The following RFTN1 variants were observed in gnomAD, a reference collection of about 807,000 sequenced individuals.
RFTN1 encodes the protein raftlin, lipid raft linker 1.
In RFTN1, 26 loss-of-function variants were observed where a neutral mutation model predicts 46.5. That is an observed-to-expected ratio of 0.56 (90% confidence interval 0.41 to 0.78). The LOEUF (loss-of-function observed/expected upper bound fraction) is 0.78, where lower values mean the gene tolerates loss of function less well. RFTN1 is among the 30% of genes least tolerant of loss of function. The pLI, the probability that RFTN1 is intolerant of heterozygous loss-of-function variation, is 0.00. For missense variants in RFTN1, 693 were observed against 718.7 expected (o/e 0.96, Z 0.41); for synonymous variants, 261 against 284.2 (o/e 0.92, Z 0.82).
In RFTN1 at chr3:16,380,409, A is replaced by G. The variant is rs1274515966; in HGVS notation, c.442-2307T>C. ...TGCTGTCATCTAGAGTGAAGAGGCGAGGACTCCAGACACAGGGCATTATCC... is the reference window on the plus strand; with the variant it reads ...TGCTGTCATCTAGAGTGAAGAGGCGGGGACTCCAGACACAGGGCATTATCC... On this transcript the variant is annotated intron_variant, in intron 4 of 9. Coordinates refer to ENST00000334133, the MANE Select transcript of RFTN1 (RefSeq NM_015150.2). The surrounding 1 kb of genome is among the most constrained non-coding windows in gnomAD (Gnocchi z 4.8). Among the ~76,000 whole-genome samples the G allele has an allele frequency of 6.6e-6, 1 of 152,196 alleles. No homozygotes were observed. The highest frequency in any genetic ancestry group is 1.5e-5 in the Non-Finnish European group (1 of 68,032).
At position 16,479,171 on chromosome 3, in the gene RFTN1, C is replaced by A. The variant is rs1053082836; in HGVS notation, c.145+14554G>T. ...AGCACTGTATAGTACTCTAACATTCCTTGCAGGTAGGAGAACAAAACCTTG... is the reference window on the plus strand; with the variant it reads ...AGCACTGTATAGTACTCTAACATTCATTGCAGGTAGGAGAACAAAACCTTG... On this transcript the variant is annotated intron_variant, in intron 2 of 9. Transcript: ENST00000334133. This position sits in a 1 kb window ranked among gnomAD's most constrained non-coding sequence, Gnocchi z 5.1. 2.6e-5 allele frequency among the ~76,000 whole-genome samples: 4 copies of A among 152,178 alleles called. No homozygotes were observed. Among genetic ancestry groups the A allele is most frequent in the Non-Finnish European group, 5.9e-5 (4 of 68,030 alleles).
intron 2 of RFTN1, among the ~76,000 whole-genome samples, chr3:16,493,479 C>T (rs550551656): frequency 2.6e-5 from 4 of 152,252 alleles, no homozygotes; most frequent in East Asian, 1.9e-4. Context: ...GTGATCCACC[C>T]GCCTCGGCCT....
At chr3:16,360,338 T>A (rs369615625) in intron 6 of RFTN1, among the ~76,000 whole-genome samples, 7 of 152,110 alleles carry the variant, frequency 4.6e-5, no homozygotes, top group African/African-American at 1.2e-4. Flanking sequence ...CCCCAGCTAA[T>A]TTTTTATTAT....
chr3:16,510,110 G>T (rs902566550), intron 1 of RFTN1, among the ~76,000 whole-genome samples: 6 of 152,198 alleles, frequency 3.9e-5, no homozygotes, highest in Non-Finnish European at 7.3e-5. Flanking sequence ...AATAAGAGGG[G>T]TGTTGACAGG....
chr3:16,316,779 T>C lies in RFTN1; in HGVS notation c.*49A>G. 4 of 1,608,754 alleles carry C rather than the reference T, an allele frequency of 2.5e-6. No individual in the cohort carries two copies. Among genetic ancestry groups the C allele is most frequent in the Non-Finnish European group, 3.4e-6 (4 of 1,177,032 alleles). On this transcript the variant is annotated 3_prime_UTR_variant, in exon 10 of 10. Transcript: ENST00000334133. The surrounding 1 kb of genome is among the most constrained non-coding windows in gnomAD (Gnocchi z 4.5). ...GCCCCCAAACCAGCTGTTGGTAAGA[T>C]GCCTTGGGTTTGGCAACTCACCTAG...
chr3:16,327,553 ATC>A lies in RFTN1; in HGVS notation c.1147-679_1147-678del, dbSNP rs1431337879. 6.6e-6 allele frequency among the ~76,000 whole-genome samples: 1 copy of A among 151,962 alleles called. No individual in the cohort carries two copies. Among genetic ancestry groups the A allele is most frequent in the Non-Finnish European group, 1.5e-5 (1 of 67,972 alleles). ...GGCAGGTGGATCACATGGTCAGGAGATCAAGACCATCCTGGCTAACACAGTGA... is the reference window on the plus strand; with the variant it reads ...GGCAGGTGGATCACATGGTCAGGAGAAAGACCATCCTGGCTAACACAGTGA... On this transcript the variant is annotated intron_variant, in intron 7 of 9. Transcript: ENST00000334133. This position sits in a 1 kb window ranked among gnomAD's most constrained non-coding sequence, Gnocchi z 4.2.
intron 2 of RFTN1, chr3:16,454,918 C>T (rs1255852604): frequency 2.8e-6 from 1 of 351,592 alleles, no homozygotes; most frequent in African/African-American, 2.2e-5. Flanking sequence ...ATTGAAAAAA[C>T]AAAAACAAAG....
At chr3:16,403,651 T>A (rs1206242938) in intron 4 of RFTN1, among the ~76,000 whole-genome samples, 1 of 50,242 alleles carries the variant, frequency 2.0e-5, no homozygotes, top group African/African-American at 8.6e-5. Flanking sequence ...AATATATATA[T>A]AATATATATT....
Position 16,500,596 on chromosome 3 carries a change from CAAG to C in RFTN1, c.-8-6722_-8-6720del, listed in dbSNP as rs545012416. On this transcript the variant is annotated intron_variant, in intron 1 of 9. Coordinates refer to ENST00000334133, the MANE Select transcript of RFTN1 (RefSeq NM_015150.2). This position sits in a 1 kb window ranked among gnomAD's most constrained non-coding sequence, Gnocchi z 5.9. Reference sequence around the variant, plus strand: ...GAAGAAGGTTCCGAGACCCGAACTGCAAGAAGAAGATGACAGACATTGCAAATG... The same window carrying C: ...GAAGAAGGTTCCGAGACCCGAACTGCAAGAAGATGACAGACATTGCAAATG... Among the ~76,000 whole-genome samples the C allele has an allele frequency of 1.8e-4, 28 of 152,226 alleles. No individual in the cohort carries two copies. In the South Asian group the frequency reaches 3.5e-3, roughly 19 times the overall value.
intron 4 of RFTN1, among the ~76,000 whole-genome samples, chr3:16,392,280 T>C (rs2074370511): frequency 6.6e-6 from 1 of 152,134 alleles, no homozygotes; most frequent in African/African-American, 2.4e-5. Context: ...AAATGAAACC[T>C]TCCAGTGTCA....
At chr3:16,401,727 A>C (rs1443889385) in intron 4 of RFTN1, among the ~76,000 whole-genome samples, 1 of 152,224 alleles carries the variant, frequency 6.6e-6, no homozygotes, top group Admixed American at 6.5e-5. Flanking sequence ...TAGATCTTGC[A>C]GTCTTTTTAA....
rs146415632 is a variant in RFTN1 at position 16,466,149 on chromosome 3, T to C, written c.145+27576A>G. Among the ~76,000 whole-genome samples, 38 of 152,316 alleles carry C rather than the reference T, an allele frequency of 2.5e-4. No individual in the cohort carries two copies. Among genetic ancestry groups the C allele is most frequent in the African/African-American group, 8.2e-4 (34 of 41,578 alleles). The stretch of plus-strand genomic sequence containing the variant: ...CAGGATACACCATGCACCACAATCT[T>C]GCATCTCTCATCACATTCCGTTTTC... On this transcript the variant is annotated intron_variant, in intron 2 of 9. Transcript: ENST00000334133. This position sits in a 1 kb window ranked among gnomAD's most constrained non-coding sequence, Gnocchi z 5.6.
At chr3:16,403,238 A>T (rs2125427092) in intron 4 of RFTN1, among the ~76,000 whole-genome samples, 1 of 152,186 alleles carries the variant, frequency 6.6e-6, no homozygotes, top group East Asian at 1.9e-4. Flanking sequence ...TATACAGGAG[A>T]GGTAGCATGG....
rs1397309096 is a variant in RFTN1 at position 16,407,108 on chromosome 3, A to G, written c.441+2267T>C. On this transcript the variant is annotated intron_variant, in intron 4 of 9. Transcript: ENST00000334133. The surrounding 1 kb of genome is among the most constrained non-coding windows in gnomAD (Gnocchi z 4.0). ...GGGCTGTTTCCTGAAGAACTGAGAC[A>G]GGACCACTGCAATGGGTCAGCCATG... 1.2e-4 allele frequency among the ~76,000 whole-genome samples: 18 copies of G among 152,240 alleles called. 1 individual carries two copies. The highest frequency in any genetic ancestry group is 1.2e-3 in the Admixed American group (18 of 15,284).
rs2076652824 is a variant in RFTN1, at chr3:16,498,143, G to A, written c.-8-4266C>T. Among the ~76,000 whole-genome samples, 1 of 152,198 alleles carries A rather than the reference G, an allele frequency of 6.6e-6. No individual in the cohort carries two copies. Among genetic ancestry groups the A allele is most frequent in the African/African-American group, 2.4e-5 (1 of 41,454 alleles). ...CAGACACAGAAAAGATAAAGAGTATGTTACATTAAACCAAATTTGGCTTGA... is the reference window on the plus strand; with the variant it reads ...CAGACACAGAAAAGATAAAGAGTATATTACATTAAACCAAATTTGGCTTGA... On this transcript the variant is annotated intron_variant, in intron 1 of 9. Coordinates refer to ENST00000334133, the MANE Select transcript of RFTN1 (RefSeq NM_015150.2). The surrounding 1 kb of genome is among the most constrained non-coding windows in gnomAD (Gnocchi z 5.2).
Position 16,327,220 on chromosome 3 carries a change from C to A in RFTN1, c.1147-344G>T, listed in dbSNP as rs991426500. 1.3e-5 allele frequency among the ~76,000 whole-genome samples: 2 copies of A among 152,152 alleles called. No homozygotes were observed. Among genetic ancestry groups the A allele is most frequent in the African/African-American group, 2.4e-5 (1 of 41,438 alleles). ...TCTCACCTCTGAGCGGTATCCAGGGCATATAACTACACGTGCTGCTCTGAA... is the reference window on the plus strand; with the variant it reads ...TCTCACCTCTGAGCGGTATCCAGGGAATATAACTACACGTGCTGCTCTGAA... On this transcript the variant is annotated intron_variant, in intron 7 of 9. Transcript: ENST00000334133. The surrounding 1 kb of genome is among the most constrained non-coding windows in gnomAD (Gnocchi z 4.2).
chr3:16,385,002 C>G lies in RFTN1; in HGVS notation c.442-6900G>C, dbSNP rs747655713. On this transcript the variant is annotated intron_variant, in intron 4 of 9. Coordinates refer to ENST00000334133, the MANE Select transcript of RFTN1 (RefSeq NM_015150.2). The surrounding 1 kb of genome is among the most constrained non-coding windows in gnomAD (Gnocchi z 5.0). ...TATAATATGGGGTAAATCCAAGACT[C>G]ACATCCACATACTTATATACCCTAG... Among the ~76,000 whole-genome samples the G allele has an allele frequency of 5.9e-5, 9 of 152,156 alleles. No individual in the cohort carries two copies. The highest frequency in any genetic ancestry group is 1.2e-4 in the Non-Finnish European group (8 of 68,030).
intron 6 of RFTN1, among the ~76,000 whole-genome samples, chr3:16,369,571 T>C (rs2073403723): frequency 6.6e-6 from 1 of 152,184 alleles, no homozygotes; most frequent in East Asian, 1.9e-4. Flanking sequence ...GACAGCACAT[T>C]ACTGGGGAGG....
In RFTN1 at chr3:16,334,450, G is replaced by T. The variant is rs1559827091; in HGVS notation, c.1147-7574C>A. 6.6e-6 allele frequency among the ~76,000 whole-genome samples: 1 copy of T among 152,184 alleles called. No homozygotes were observed. Among genetic ancestry groups the T allele is most frequent in the South Asian group, 2.1e-4 (1 of 4,832 alleles). On this transcript the variant is annotated intron_variant, in intron 7 of 9. Coordinates refer to ENST00000334133, the MANE Select transcript of RFTN1 (RefSeq NM_015150.2). The surrounding 1 kb of genome is among the most constrained non-coding windows in gnomAD (Gnocchi z 4.3). ...TATTAAAAAATGAGAAATGCACAGA[G>T]TTATTCACTGGAGAGCGGTCTGCAG...
Sources: allele counts gnomAD v4.1 joint callset (sites outside exome capture counted in the v4.1 genomes callset), GRCh38; gene constraint gnomAD v4.1.1; non-coding constraint Gnocchi (gnomAD v3.1); transcripts MANE v1.5; gene names NCBI Gene and HGNC (gene_info 2026-07-23, HGNC 2026-07-21).